AGMO: variants seen among roughly 807,000 people sequenced by gnomAD.
The protein encoded by AGMO is alkylglycerol monooxygenase, also known as glyceryl-ether monooxygenase.
A neutral mutation model predicts 60.2 loss-of-function variants in AGMO; 75 were observed. That is an observed-to-expected ratio of 1.25 (90% CI 1.03 to 1.51). The LOEUF (loss-of-function observed/expected upper bound fraction) is 1.51, where lower values mean the gene tolerates loss of function less well. AGMO is among the 40% of genes most tolerant of loss of function. The probability of loss-of-function intolerance (pLI) is 0.00; values close to 1 mark genes in which losing one functional copy is unlikely to be tolerated. For synonymous variants in AGMO, 261 were observed against 177.1 expected (o/e 1.47, Z -3.76); for missense variants, 763 against 525.5 (o/e 1.45, Z -4.42).
the AGMO span, among the ~76,000 whole-genome samples, chr7:15,164,106 C>A: frequency 4.6e-5 from 7 of 152,110 alleles, no homozygotes; most frequent in Non-Finnish European, 8.8e-5. Context: ...TACTTACAAC[C>A]AACTGATCTT....
chr7:15,287,797 T>A (rs966874690), intron 12 of AGMO, among the ~76,000 whole-genome samples: 1 of 152,134 alleles, frequency 6.6e-6, no homozygotes, highest in Non-Finnish European at 1.5e-5. Context: ...TTTTTTTGTA[T>A]GATAAATCTG....
At chr7:15,255,030 A>T (rs1583332775) in intron 12 of AGMO, among the ~76,000 whole-genome samples, 1 of 119,578 alleles carries the variant, frequency 8.4e-6, no homozygotes, top group Non-Finnish European at 1.9e-5. Context: ...ATGCAGCCAT[A>T]AAAAAAGATG....
At chr7:15,123,432 G>C in the AGMO span, among the ~76,000 whole-genome samples, 1 of 151,814 alleles carries the variant, frequency 6.6e-6, no homozygotes, top group Admixed American at 6.6e-5. Context: ...ACTTGGCATA[G>C]AGAAGGCCCT....
intron 12 of AGMO, among the ~76,000 whole-genome samples, chr7:15,248,071 A>G (rs1180784479): frequency 1.3e-5 from 2 of 149,818 alleles, no homozygotes; most frequent in East Asian, 4.0e-4. Flanking sequence ...AACTATAAGC[A>G]TGAATGTAGC....
At chr7:15,455,732 G>C (rs917246164) in intron 3 of AGMO, among the ~76,000 whole-genome samples, 2 of 152,050 alleles carry the variant, frequency 1.3e-5, no homozygotes, top group Non-Finnish European at 2.9e-5. Flanking sequence ...TTGATACAGA[G>C]GCTCCTAGAA....
At chr7:15,235,479 T>G (rs1782389861) in intron 12 of AGMO, among the ~76,000 whole-genome samples, 1 of 152,168 alleles carries the variant, frequency 6.6e-6, no homozygotes, top group South Asian at 2.1e-4. Context: ...GTAAGTTTGA[T>G]TCAGAGTATT....
chr7:15,428,109 C>A (rs1473186338), intron 4 of AGMO, among the ~76,000 whole-genome samples: 1 of 149,310 alleles, frequency 6.7e-6, no homozygotes, highest in Non-Finnish European at 1.5e-5. Flanking sequence ...TTGGTAACTG[C>A]TAAATTATCG....
At chr7:15,135,891 A>AAATGTTCATTTTTAAATTTTGTATTTTTT in the AGMO span, among the ~76,000 whole-genome samples, 1 of 151,258 alleles carries the variant, frequency 6.6e-6, no homozygotes, top group South Asian at 2.1e-4. Flanking sequence ...TTATTATTTT[A>AAATGTTCATTTTTAAATTTTGTATTTTTT]AATGTTCATT....
downstream of AGMO, among the ~76,000 whole-genome samples, chr7:15,198,236 A>AGAGAGAGAGAGAGAGAGG (rs1563030428): frequency 4.0e-4 from 46 of 115,814 alleles, no homozygotes; most frequent in Non-Finnish European, 7.0e-4. Flanking sequence ...AGAGAGAGAG[A>AGAGAGAGAGAGAGAGAGG]GAGAGAGAGA....
chr7:15,170,304 T>C, the AGMO span, among the ~76,000 whole-genome samples: 1 of 152,242 alleles, frequency 6.6e-6, no homozygotes, highest in Admixed American at 6.5e-5. Flanking sequence ...GCGTGCTATT[T>C]CTGTAGCTTG....
rs375023398 is a variant in AGMO at position 15,238,936 on chromosome 7, A to G, written c.1264-37577T>C. Among the ~76,000 whole-genome samples, 41 of 152,310 alleles carry G rather than the reference A, an allele frequency of 2.7e-4. No homozygotes were observed. In the East Asian group the frequency reaches 6.7e-3, roughly 25 times the overall value. ...GCAGGCGCTATTTAAAGTTGTTTGC[A>G]TATGTAAACTTTTTATTGCACATAA... On this transcript the variant is annotated intron_variant, in intron 12 of 12. Coordinates refer to ENST00000342526, the MANE Select transcript of AGMO (RefSeq NM_001004320.2).
chr7:15,557,270 T>C (rs564823472), intron 2 of AGMO, among the ~76,000 whole-genome samples: 1 of 152,262 alleles, frequency 6.6e-6, no homozygotes, highest in Non-Finnish European at 1.5e-5. Context: ...TTGGAATTAT[T>C]ATCCAAAGCA....
At chr7:15,244,267 G>T (rs1037937071) in intron 12 of AGMO, among the ~76,000 whole-genome samples, 38 of 152,110 alleles carry the variant, frequency 2.5e-4, no homozygotes, top group African/African-American at 7.5e-4. Context: ...TTAGAACCAG[G>T]TGATGATCTG....
At chr7:15,425,007 G>T (rs910958742) in intron 4 of AGMO, among the ~76,000 whole-genome samples, 3 of 152,108 alleles carry the variant, frequency 2.0e-5, no homozygotes, top group African/African-American at 4.8e-5. Context: ...TTTCACTAAG[G>T]TTTCTCTGCA....
chr7:15,346,638 AG>A (rs996598044), intron 12 of AGMO, among the ~76,000 whole-genome samples: 20 of 151,872 alleles, frequency 1.3e-4, no homozygotes, highest in African/African-American at 4.8e-4. Context: ...AATACCATAA[AG>A]AAGTTATACT....
At chr7:15,527,506 T>C (rs748113580) in intron 3 of AGMO, among the ~76,000 whole-genome samples, 20 of 152,154 alleles carry the variant, frequency 1.3e-4, no homozygotes, top group Non-Finnish European at 2.2e-4. Flanking sequence ...TCATGAGGTT[T>C]AAGGAAAGAA....
At chr7:15,130,664 GAATT>G in the AGMO span, among the ~76,000 whole-genome samples, 1 of 152,090 alleles carries the variant, frequency 6.6e-6, no homozygotes, top group African/African-American at 2.4e-5. Flanking sequence ...ATAATTGTTA[GAATT>G]AATACACTTT....
At chr7:15,341,559 G>A (rs1021532306) in intron 12 of AGMO, among the ~76,000 whole-genome samples, 1 of 152,106 alleles carries the variant, frequency 6.6e-6, no homozygotes, top group African/African-American at 2.4e-5. Flanking sequence ...GTCTTCTTCT[G>A]GGCCCTCCAA....
At chr7:15,183,515 G>C in the AGMO span, among the ~76,000 whole-genome samples, 1 of 152,182 alleles carries the variant, frequency 6.6e-6, no homozygotes, top group African/African-American at 2.4e-5. Context: ...AAACAGAGTT[G>C]TTTGCCTATT....
Sources: gnomAD v4.1 joint callset for allele counts (sites outside exome capture counted in the v4.1 genomes callset) on GRCh38, gnomAD v4.1.1 for gene constraint, MANE v1.5 for transcripts, NCBI Gene and HGNC (gene_info 2026-07-23, HGNC 2026-07-21) for gene names.